Variants in CAMK2G observed in about 807,000 individuals in gnomAD.
CAMK2G encodes calcium/calmodulin dependent protein kinase II gamma, also known as calcium/calmodulin-dependent protein kinase type II subunit gamma.
In CAMK2G, 23 loss-of-function variants were observed where a neutral mutation model predicts 88.7. That is an observed-to-expected ratio of 0.26 (90% CI 0.19 to 0.37). The LOEUF (loss-of-function observed/expected upper bound fraction) is 0.37, where lower values mean the gene tolerates loss of function less well. Ranked by LOEUF, CAMK2G falls within the 10% of genes least tolerant of loss-of-function variation. The probability of loss-of-function intolerance (pLI) is 1.00; values close to 1 mark genes in which losing one functional copy is unlikely to be tolerated. For synonymous variants in CAMK2G, 263 were observed against 294.8 expected (o/e 0.89, Z 1.11); for missense variants, 476 against 780.8 (o/e 0.61, Z 4.65).
Position 73,839,992 on chromosome 10 carries a change from G to C in CAMK2G, c.947-391C>G, listed in dbSNP as rs898049285. 2.0e-5 allele frequency among the ~76,000 whole-genome samples: 3 copies of C among 152,170 alleles called. No homozygotes were observed. The highest frequency in any genetic ancestry group is 4.8e-5 in the African/African-American group (2 of 41,440). On this transcript the variant is annotated intron_variant, in intron 12 of 22. Coordinates refer to ENST00000423381, the MANE Select transcript of CAMK2G (RefSeq NM_001367534.1). The surrounding 1 kb of genome is among the most constrained non-coding windows in gnomAD (Gnocchi z 4.2). ...CTCCCTTCTAGTCCTTCCCTCCCTAGAAGCTAAATGAGCCCACGATGAGAG... is the reference window on the plus strand; with the variant it reads ...CTCCCTTCTAGTCCTTCCCTCCCTACAAGCTAAATGAGCCCACGATGAGAG...
At position 73,859,287 on chromosome 10, in the gene CAMK2G, A is replaced by G. The variant is rs548477813; in HGVS notation, c.220+1543T>C. On this transcript the variant is annotated intron_variant, in intron 3 of 22. Transcript: ENST00000423381. ...TGGCCAGCGGGCTGCAGGGGCAGCCACCGCTCCTCACAGCTCCTTCTGGCC... is the reference window on the plus strand; with the variant it reads ...TGGCCAGCGGGCTGCAGGGGCAGCCGCCGCTCCTCACAGCTCCTTCTGGCC... Among the ~76,000 whole-genome samples the G allele has an allele frequency of 3.9e-5, 6 of 152,356 alleles. No homozygotes were observed. The East Asian group carries it at 7.7e-4, about 20-fold the overall frequency.
chr10:73,820,159 C>T (rs573272483), intron 18 of CAMK2G, among the ~76,000 whole-genome samples: 1 of 152,252 alleles, frequency 6.6e-6, no homozygotes, highest in South Asian at 2.1e-4. Context: ...GAGTGTTCCT[C>T]TGTCTTTTCT....
At chr10:73,847,010 G>C in intron 10 of CAMK2G, 2 of 543,924 alleles carry the variant, frequency 3.7e-6, no homozygotes, top group East Asian at 6.1e-5. Flanking sequence ...CCATGAGTGG[G>C]GGAGAGAGGA....
At position 73,842,364 on chromosome 10, in the gene CAMK2G, G is replaced by T; in HGVS notation, c.903+94C>A. 8.5e-7 allele frequency: 1 copy of T among 1,178,788 alleles called. No homozygotes were observed. Among genetic ancestry groups the T allele is most frequent in the Non-Finnish European group, 1.3e-6 (1 of 784,046 alleles). 73.0% of individuals were successfully genotyped at this position (1,178,788 alleles called of 1,614,324 possible). A position where few individuals can be genotyped will look rare whatever the true frequency, so the allele number is the denominator to read the frequency against. ...GTACAACCTTCAGAGCCCAGCTCCA[G>T]CCAGGAGGGGAGCTTCCTTCTGAAA... is the stretch of plus-strand genomic sequence containing the variant. On this transcript the variant is annotated intron_variant, in intron 11 of 22. Transcript: ENST00000423381. This position sits in a 1 kb window ranked among gnomAD's most constrained non-coding sequence, Gnocchi z 4.6.
intron 14 of CAMK2G, among the ~76,000 whole-genome samples, chr10:73,835,307 T>C (rs891008904): frequency 6.6e-6 from 1 of 151,974 alleles, no homozygotes; most frequent in Non-Finnish European, 1.5e-5. Context: ...ATCTTTTTTT[T>C]TTTTTTGAGG....
rs138640246 is a variant in CAMK2G, at chr10:73,815,624, T to A, written c.1535-377A>T. 5.2e-3 allele frequency among the ~76,000 whole-genome samples: 795 copies of A among 152,362 alleles called. 11 individuals carry two copies. Among genetic ancestry groups the A allele is most frequent in the African/African-American group, 0.018 (748 of 41,570 alleles). On this transcript the variant is annotated intron_variant, in intron 21 of 22. Coordinates refer to ENST00000423381, the MANE Select transcript of CAMK2G (RefSeq NM_001367534.1). ...TCACACACCTGAACTCAGGACCATG[T>A]GACTCTTAACTAAAGCCTATAGATT...
chr10:73,815,729 T>G, intron 21 of CAMK2G: 1 of 852,764 alleles, frequency 1.2e-6, no homozygotes, highest in Non-Finnish European at 1.4e-6. Flanking sequence ...AATCATGAAC[T>G]TAAACCATTC....
chr10:73,841,829 C>A, intron 12 of CAMK2G: 1 of 252,532 alleles, frequency 4.0e-6, no homozygotes, highest in South Asian at 6.6e-5. Context: ...TTTTCTTCCC[C>A]CAGCACATCC....
At chr10:73,849,378 ACCT>A in intron 5 of CAMK2G, 45 bp from the exon 6 acceptor site, 2 of 1,378,530 alleles carry the variant, frequency 1.5e-6, no homozygotes, top group Non-Finnish European at 2.1e-6. Context: ...GGGTTAAACC[ACCT>A]CATCCACATC....
intron 20 of CAMK2G, 77 bp downstream of exon 20, chr10:73,817,402 G>A (rs1565154075): frequency 1.9e-6 from 2 of 1,063,870 alleles, no homozygotes; most frequent in Non-Finnish European, 2.9e-6. Flanking sequence ...TTTCCCCAGG[G>A]TCCTAATTGT....
rs1286335483 is a variant in CAMK2G, at chr10:73,849,043, C to T, written c.487G>A (p.Glu163Lys). ...CAAGCCTGCTGCTCTCCCTGTACTT[C>T]GATGGCTAGGCCAAAATCAGCCAGC... is the stretch of plus-strand genomic sequence containing the variant. ...VKLADFGLAI[E>K]VQGEQQAWFG... Residue 163 changes from glutamate to lysine, a missense_variant, in exon 7 of 23, where the codon GAA becomes AAA. Physicochemically the swap from Glu to Lys is moderately conservative, Grantham distance 56. Coordinates refer to ENST00000423381, the MANE Select transcript of CAMK2G (RefSeq NM_001367534.1). 3 of 1,613,584 alleles carry T rather than the reference C, an allele frequency of 1.9e-6. No individual in the cohort carries two copies. The highest frequency in any genetic ancestry group is 2.5e-6 in the Non-Finnish European group (3 of 1,179,522).
chr10:73,826,626 C>T (rs1310541332), intron 15 of CAMK2G, among the ~76,000 whole-genome samples: 2 of 152,148 alleles, frequency 1.3e-5, no homozygotes, highest in African/African-American at 2.4e-5. Flanking sequence ...GGGTTGGGGG[C>T]CACTGAGGAG....
In CAMK2G at chr10:73,842,763, C is replaced by T. The variant is rs1041308375; in HGVS notation, c.820-222G>A. 5.9e-5 allele frequency among the ~76,000 whole-genome samples: 9 copies of T among 152,208 alleles called. No individual in the cohort carries two copies. The highest frequency in any genetic ancestry group is 3.9e-4 in the Admixed American group (6 of 15,284). On this transcript the variant is annotated intron_variant, in intron 10 of 22. Transcript: ENST00000423381. The surrounding 1 kb of genome is among the most constrained non-coding windows in gnomAD (Gnocchi z 4.6). ...CAACATGAACGTGAGAACACCATAACGGATGCTAGACGGGCTGCTGAGAGA... is the reference window on the plus strand; with the variant it reads ...CAACATGAACGTGAGAACACCATAATGGATGCTAGACGGGCTGCTGAGAGA...
In CAMK2G at chr10:73,848,578, A is replaced by G; in HGVS notation, c.549T>C (p.Pro183=). Residue 183 remains proline, a synonymous_variant, in exon 8 of 23, where the codon CCT becomes CCC. Transcript: ENST00000423381. This position sits in a 1 kb window ranked among gnomAD's most constrained non-coding sequence, Gnocchi z 4.5. ...GFAGTPGYLS[P]EVLRKDPYGK... ...CATAGGGATCTTTCCTCAAGACCTC[A>G]GGGGACAAGTAACCTGGGGTGCCAG... 1 of 1,612,362 alleles carries G rather than the reference A, an allele frequency of 6.2e-7. No homozygotes were observed. Among genetic ancestry groups the G allele is most frequent in the African/African-American group, 1.3e-5 (1 of 75,034 alleles).
At chr10:73,826,161 G>A (rs574954090) in intron 15 of CAMK2G, among the ~76,000 whole-genome samples, 2 of 152,258 alleles carry the variant, frequency 1.3e-5, no homozygotes, top group Non-Finnish European at 2.9e-5. Context: ...GGGTGGGCAC[G>A]GTGGCTCACA....
intron 9 of CAMK2G, 56 bp downstream of exon 9, chr10:73,847,932 G>A (rs2094365386): frequency 3.3e-6 from 3 of 904,510 alleles, no homozygotes; most frequent in East Asian, 2.7e-5. Flanking sequence ...GACAGAGCCC[G>A]AGGAGCAAGG....
intron 3 of CAMK2G, 94 bp from the exon 4 acceptor site, chr10:73,853,340 C>G: frequency 1.8e-6 from 2 of 1,125,966 alleles, no homozygotes; most frequent in Non-Finnish European, 2.7e-6. Context: ...CCCATCCTGT[C>G]GGGCTCACAG....
Position 73,815,542 on chromosome 10 carries a change from A to G in CAMK2G, c.1535-295T>C, listed in dbSNP as rs540572802. ...ATGCCCGAGCTGTATTTCTTGGTGG[A>G]TAATATTTTCTTCATTATAAGATGA... On this transcript the variant is annotated intron_variant, in intron 21 of 22. Transcript: ENST00000423381. 2.0e-4 allele frequency among the ~76,000 whole-genome samples: 30 copies of G among 152,280 alleles called. 1 individual carries two copies. In the South Asian group the frequency reaches 5.2e-3, roughly 26 times the overall value.
At chr10:73,829,702 T>TGG (rs764910253) in intron 14 of CAMK2G, among the ~76,000 whole-genome samples, 1 of 132,110 alleles carries the variant, frequency 7.6e-6, no homozygotes, top group African/African-American at 3.3e-5. Context: ...AGTAGTGGGG[T>TGG]GTGTGTGTGT....
Sources: allele counts gnomAD v4.1 joint callset (sites outside exome capture counted in the v4.1 genomes callset), GRCh38; gene constraint gnomAD v4.1.1; non-coding constraint Gnocchi (gnomAD v3.1); transcripts MANE v1.5; gene names NCBI Gene and HGNC (gene_info 2026-07-23, HGNC 2026-07-21).